The following HEMK2 variants were observed in gnomAD, a reference collection of about 807,000 sequenced individuals.
The protein encoded by HEMK2 is methyltransferase HEMK2.
chr21:28,834,034 C>G, the HEMK2 span, among the ~76,000 whole-genome samples: 1 of 152,206 alleles, frequency 6.6e-6, no homozygotes, highest in African/African-American at 2.4e-5. Context: ...ACCAGTTTGT[C>G]TGCATACGTG....
chr21:28,637,516 C>T, the HEMK2 span, among the ~76,000 whole-genome samples: 2 of 152,156 alleles, frequency 1.3e-5, no homozygotes, highest in South Asian at 2.1e-4. Flanking sequence ...AATCGCATTA[C>T]CAGAGGCATG....
the HEMK2 span, among the ~76,000 whole-genome samples, chr21:28,611,367 T>C: frequency 6.6e-6 from 1 of 152,134 alleles, no homozygotes; most frequent in Non-Finnish European, 1.5e-5. Flanking sequence ...AGTAGTGACA[T>C]AACCTATCAA....
the HEMK2 span, among the ~76,000 whole-genome samples, chr21:28,579,796 G>A: frequency 6.6e-6 from 1 of 152,056 alleles, no homozygotes; most frequent in African/African-American, 2.4e-5. Flanking sequence ...TATTACCCTT[G>A]GGGCATGCAA....
At chr21:28,883,712 T>C in the HEMK2 span, among the ~76,000 whole-genome samples, 1 of 152,172 alleles carries the variant, frequency 6.6e-6, no homozygotes, top group Non-Finnish European at 1.5e-5. Flanking sequence ...TTCTTGCCTA[T>C]AATCTTGGAA....
At chr21:28,853,782 T>C in the HEMK2 span, among the ~76,000 whole-genome samples, 2 of 152,164 alleles carry the variant, frequency 1.3e-5, no homozygotes, top group Non-Finnish European at 2.9e-5. Flanking sequence ...AAGGTATTTC[T>C]TCAGGCAAAA....
chr21:28,830,312 C>A, the HEMK2 span, among the ~76,000 whole-genome samples: 1 of 152,066 alleles, frequency 6.6e-6, no homozygotes, highest in African/African-American at 2.4e-5. Flanking sequence ...TAAGTTCTCA[C>A]GAGATCTGAT....
chr21:28,608,093 G>T, the HEMK2 span, among the ~76,000 whole-genome samples: 1 of 152,076 alleles, frequency 6.6e-6, no homozygotes, highest in African/African-American at 2.4e-5. Flanking sequence ...AAGTTCAGTT[G>T]TAGTCACACT....
chr21:28,782,749 G>A, the HEMK2 span, among the ~76,000 whole-genome samples: 1 of 152,118 alleles, frequency 6.6e-6, no homozygotes, highest in African/African-American at 2.4e-5. Flanking sequence ...AAATGTTGTA[G>A]AAATGATTGT....
the HEMK2 span, among the ~76,000 whole-genome samples, chr21:28,614,804 T>G: frequency 6.6e-6 from 1 of 152,148 alleles, no homozygotes; most frequent in African/African-American, 2.4e-5. Context: ...ACCTAGAGAA[T>G]TCGCTAACAC....
At chr21:28,797,554 G>A in the HEMK2 span, among the ~76,000 whole-genome samples, 2 of 152,148 alleles carry the variant, frequency 1.3e-5, no homozygotes, top group African/African-American at 2.4e-5. Flanking sequence ...GGTGGAGGTT[G>A]CAGTGAGTGG....
the HEMK2 span, among the ~76,000 whole-genome samples, chr21:28,700,913 A>T: frequency 4.6e-5 from 7 of 152,100 alleles, no homozygotes; most frequent in East Asian, 1.3e-3. Flanking sequence ...AATATTAACA[A>T]ACTGAATCCA....
At chr21:28,677,505 T>C in the HEMK2 span, among the ~76,000 whole-genome samples, 5 of 152,216 alleles carry the variant, frequency 3.3e-5, no homozygotes, top group Non-Finnish European at 7.3e-5. Context: ...AGCAGTATCC[T>C]CTGCAGACTT....
chr21:28,852,644 C>A, the HEMK2 span, among the ~76,000 whole-genome samples: 5 of 152,078 alleles, frequency 3.3e-5, no homozygotes, highest in African/African-American at 4.8e-5. Context: ...ACAAAAAGAC[C>A]CGACCTCTCC....
chr21:28,644,828 G>T, the HEMK2 span, among the ~76,000 whole-genome samples: 1 of 152,078 alleles, frequency 6.6e-6, no homozygotes, highest in African/African-American at 2.4e-5. Flanking sequence ...CTAATTTTTT[G>T]TTTCTCAGAA....
At chr21:28,869,989 C>G in the HEMK2 span, among the ~76,000 whole-genome samples, 4 of 152,184 alleles carry the variant, frequency 2.6e-5, no homozygotes, top group Non-Finnish European at 5.9e-5. Flanking sequence ...TCTCCTCTAG[C>G]CTTTCTCCCA....
At chr21:28,714,442 T>C in the HEMK2 span, among the ~76,000 whole-genome samples, 4 of 152,264 alleles carry the variant, frequency 2.6e-5, no homozygotes, top group African/African-American at 7.2e-5. Context: ...TTCTGAAATA[T>C]GGTAGGTACA....
At chr21:28,721,320 T>G in the HEMK2 span, among the ~76,000 whole-genome samples, 85,545 of 151,742 alleles carry the variant, frequency 0.56, 27,097 homozygotes, top group African/African-American at 0.85. Flanking sequence ...TTACCATGTT[T>G]CCCAGGCTGG....
chr21:28,598,156 T>C, the HEMK2 span, among the ~76,000 whole-genome samples: 1 of 152,116 alleles, frequency 6.6e-6, no homozygotes, highest in East Asian at 1.9e-4. Context: ...TCCAAGAAAA[T>C]CCTGTCTTCA....
chr21:28,663,895 G>A, the HEMK2 span, among the ~76,000 whole-genome samples: 3 of 152,190 alleles, frequency 2.0e-5, no homozygotes, highest in African/African-American at 7.2e-5. Context: ...AAGAGCAAGA[G>A]TCCATCAGCG....
Sources: allele counts gnomAD v4.1 joint callset (sites outside exome capture counted in the v4.1 genomes callset), GRCh38; gene constraint gnomAD v4.1.1; transcripts MANE v1.5; gene names NCBI Gene and HGNC (gene_info 2026-07-23, HGNC 2026-07-21).